Variants in MECR observed in about 807,000 individuals in gnomAD.
The protein encoded by MECR is mitochondrial trans-2-enoyl-CoA reductase.
MECR carries 37 observed loss-of-function variants against 49.1 expected under a neutral mutation model. The observed-to-expected ratio is 0.75, with a 90% CI of 0.58 to 0.99. The LOEUF is 0.99. Among genes scored for constraint, MECR ranks in the 50% least tolerant of loss-of-function variants. The pLI, the probability that MECR is intolerant of heterozygous loss-of-function variation, is 0.00. For missense variants in MECR, 470 were observed against 479.6 expected (o/e 0.98, Z 0.19); for synonymous variants, 198 against 191.1 (o/e 1.04, Z -0.30).
At chr1:29,198,149 C>T (rs10082103) in intron 7 of MECR, among the ~76,000 whole-genome samples, 3,713 of 152,280 alleles carry the variant, frequency 0.024, 170 homozygotes, top group African/African-American at 0.084. Flanking sequence ...GAATCGAATG[C>T]TGCCACTGAT....
intron 1 of MECR, among the ~76,000 whole-genome samples, chr1:29,226,571 T>C (rs929519034): frequency 1.4e-4 from 21 of 152,160 alleles, no homozygotes; most frequent in African/African-American, 4.8e-4. Flanking sequence ...ATCTATATTT[T>C]TTATTTAAAA....
the MECR span, among the ~76,000 whole-genome samples, chr1:29,185,058 G>A: frequency 1.3e-5 from 2 of 148,170 alleles, no homozygotes; most frequent in Admixed American, 6.7e-5. Context: ...CCCAGGAGGC[G>A]GAGGCTGCAG....
chr1:29,197,194 C>T (rs548268287), intron 7 of MECR, among the ~76,000 whole-genome samples: 1 of 152,342 alleles, frequency 6.6e-6, no homozygotes, highest in East Asian at 1.9e-4. Flanking sequence ...AAGAAACATG[C>T]TCTCCCCAGA....
At chr1:29,198,913 G>T (rs904822398) in intron 7 of MECR, among the ~76,000 whole-genome samples, 1 of 152,122 alleles carries the variant, frequency 6.6e-6, no homozygotes, top group East Asian at 1.9e-4. Context: ...CACTGCGCCC[G>T]GCCTGGGCCT....
At chr1:29,171,584 A>C in the MECR span, 7 of 151,944 alleles carry the variant, frequency 4.6e-5, no homozygotes, top group Non-Finnish European at 4.4e-5. Context: ...AGTCATACAA[A>C]TGCATTAATA....
the MECR span, among the ~76,000 whole-genome samples, chr1:29,178,375 T>G: frequency 7.8e-5 from 9 of 115,008 alleles, no homozygotes; most frequent in Non-Finnish European, 1.9e-4. Flanking sequence ...AGACAGAGTC[T>G]CGCTGTCGCC....
In MECR at chr1:29,201,833, G is replaced by A; in HGVS notation, c.756+110C>T. ...TTTAACCAACCAAGAGGCAAAGGGA[G>A]GTTTCCAGAGAGGAACAATGGGGCC... On this transcript the variant is annotated intron_variant, in intron 6 of 9. Transcript: ENST00000263702. The surrounding 1 kb of genome is among the most constrained non-coding windows in gnomAD (Gnocchi z 4.3). The A allele has an allele frequency of 1.0e-6, 1 of 971,960 alleles. No homozygotes were observed. The allele number at this position is 971,960 out of a possible 1,614,324, so 60.2% of individuals were successfully genotyped here.
At position 29,216,261 on chromosome 1, in the gene MECR, C is replaced by G. The variant is rs1211902176; in HGVS notation, c.275-125G>C. 141 of 1,125,184 alleles carry G rather than the reference C, an allele frequency of 1.3e-4. No homozygotes were observed. In the East Asian group the frequency reaches 3.3e-3, roughly 26 times the overall value. 69.7% of individuals were successfully genotyped at this position (1,125,184 alleles called of 1,614,324 possible). On this transcript the variant is annotated intron_variant, in intron 2 of 9. Transcript: ENST00000263702. ...TTTGGACTGTCTGCCTAACCAACCTCTGAGCCTTAGCTTGCTTGTCTGTAT... is the reference window on the plus strand; with the variant it reads ...TTTGGACTGTCTGCCTAACCAACCTGTGAGCCTTAGCTTGCTTGTCTGTAT...
At chr1:29,229,744 T>A (rs140441771) in intron 1 of MECR, among the ~76,000 whole-genome samples, 72 of 152,302 alleles carry the variant, frequency 4.7e-4, no homozygotes, top group Middle Eastern at 3.4e-3. Flanking sequence ...ACTTGCCAAA[T>A]GCAAAGCTAG....
At chr1:29,219,909 G>C (rs1015985761) in intron 1 of MECR, among the ~76,000 whole-genome samples, 4 of 152,246 alleles carry the variant, frequency 2.6e-5, no homozygotes, top group African/African-American at 7.2e-5. Flanking sequence ...CTTGGATTCA[G>C]GTCTTTCAGA....
In MECR at chr1:29,193,393, G is replaced by C. The variant is rs775185828; in HGVS notation, c.*629C>G. 5.4e-6 allele frequency: 1 copy of C among 186,342 alleles called. No individual in the cohort carries two copies. The highest frequency in any genetic ancestry group is 1.1e-5 in the Non-Finnish European group (1 of 88,926). 11.5% of individuals were successfully genotyped at this position (186,342 alleles called of 1,614,324 possible). On this transcript the variant is annotated 3_prime_UTR_variant, in exon 10 of 10. Transcript: ENST00000263702. Reference sequence around the variant, plus strand: ...CCCAGACATTGTCAAATGTCTCCTGGGGGTAAAATTGCCTCTGGTTGAGAA... The same window carrying C: ...CCCAGACATTGTCAAATGTCTCCTGCGGGTAAAATTGCCTCTGGTTGAGAA...
chr1:29,187,337 C>T, the MECR span, among the ~76,000 whole-genome samples: 3 of 151,872 alleles, frequency 2.0e-5, no homozygotes, highest in Admixed American at 1.3e-4. Flanking sequence ...CTCAGCCTCC[C>T]GAGTAGCTGG....
chr1:29,168,647 A>T, the MECR span: 1 of 152,194 alleles, frequency 6.6e-6, no homozygotes, highest in African/African-American at 2.4e-5. Context: ...GACTAGAAGA[A>T]TAGAGGAAAA....
At chr1:29,180,762 A>G in the MECR span, among the ~76,000 whole-genome samples, 1 of 152,214 alleles carries the variant, frequency 6.6e-6, no homozygotes, top group Non-Finnish European at 1.5e-5. Context: ...TGATTCCTCA[A>G]CAGTTTTCCC....
At position 29,223,152 on chromosome 1, in the gene MECR, C is replaced by T. The variant is rs946902813; in HGVS notation, c.177-6467G>A. On this transcript the variant is annotated intron_variant, in intron 1 of 9. Coordinates refer to ENST00000263702, the MANE Select transcript of MECR (RefSeq NM_016011.5). ...GCTTCCCCCATACCGTTCACGTCCT[C>T]CGTGAATGTAATGGCGCCATGCAAC... 1.1e-5 allele frequency: 11 copies of T among 985,270 alleles called. No individual in the cohort carries two copies. The South Asian group carries it at 4.7e-4, about 42-fold the overall frequency. The allele number at this position is 985,270 out of a possible 1,614,324, so 61.0% of individuals were successfully genotyped here.
Position 29,216,755 on chromosome 1 carries a change from C to T in MECR, c.177-70G>A, listed in dbSNP as rs531626426. 1.7e-5 allele frequency: 27 copies of T among 1,608,918 alleles called. No individual in the cohort carries two copies. In the African/African-American group the frequency reaches 3.5e-4, roughly 21 times the overall value. Reference sequence around the variant, plus strand: ...AATGGGTGTTTCGCTCAAATCATCTCCTCAAAGTAGGTCAGGCAACATTTC... The same window carrying T: ...AATGGGTGTTTCGCTCAAATCATCTTCTCAAAGTAGGTCAGGCAACATTTC... On this transcript the variant is annotated intron_variant, in intron 1 of 9. Coordinates refer to ENST00000263702, the MANE Select transcript of MECR (RefSeq NM_016011.5).
At chr1:29,196,761 T>C (rs1574250611) in intron 7 of MECR, among the ~76,000 whole-genome samples, 1 of 152,036 alleles carries the variant, frequency 6.6e-6, no homozygotes, top group Non-Finnish European at 1.5e-5. Context: ...ACCAGCACTT[T>C]GGGAGGCCAA....
chr1:29,203,831 T>C (rs1278163825), intron 4 of MECR, among the ~76,000 whole-genome samples: 1 of 152,228 alleles, frequency 6.6e-6, no homozygotes, highest in African/African-American at 2.4e-5. Flanking sequence ...CTGCAGTGTT[T>C]AATAAAGGTG....
chr1:29,222,146 T>G (rs567491940), intron 1 of MECR, among the ~76,000 whole-genome samples: 10 of 152,288 alleles, frequency 6.6e-5, no homozygotes, highest in Non-Finnish European at 1.2e-4. Context: ...CAGGCTGGAG[T>G]GCTGTGGCAC....
Sources: allele counts gnomAD v4.1 joint callset (sites outside exome capture counted in the v4.1 genomes callset), GRCh38; gene constraint gnomAD v4.1.1; non-coding constraint Gnocchi (gnomAD v3.1); transcripts MANE v1.5; gene names NCBI Gene and HGNC (gene_info 2026-07-23, HGNC 2026-07-21).